KHDRBS2: variants seen among roughly 807,000 people sequenced by gnomAD.
KHDRBS2 encodes KH domain-containing, RNA-binding, signal transduction-associated protein 2.
Under a neutral mutation model 44.3 loss-of-function variants are expected in KHDRBS2, and 26 were observed. The ratio of observed to expected loss-of-function variants is 0.59; its 90% CI spans 0.43 to 0.81. The LOEUF (loss-of-function observed/expected upper bound fraction) is 0.81. KHDRBS2 is among the 40% of genes least tolerant of loss of function. KHDRBS2 has a pLI of 0.00. For synonymous variants in KHDRBS2, 194 were observed against 151.1 expected, an observed-to-expected ratio of 1.28 and a Z score of -2.08; for missense variants, 476 against 433.1, an observed-to-expected ratio of 1.10 and a Z score of -0.88.
At chr6:61,588,966 C>A in the KHDRBS2 span, among the ~76,000 whole-genome samples, 1 of 152,032 alleles carries the variant, frequency 6.6e-6, no homozygotes, top group East Asian at 1.9e-4. Context: ...AATGTAGGAA[C>A]AGAAAACCAA....
Position 61,780,234 on chromosome 6 carries a change from C to T in KHDRBS2, c.811-47470G>A, listed in dbSNP as rs552116143. On this transcript the variant is annotated intron_variant, in intron 6 of 8. Coordinates refer to ENST00000281156, the MANE Select transcript of KHDRBS2 (RefSeq NM_152688.4). ...ACTTGTTGAAGGCCGGATGCGGTGG[C>T]TCATGCCTGTAATCCCAGCACTTTG... Among the ~76,000 whole-genome samples, 325 of 152,292 alleles carry T rather than the reference C, an allele frequency of 2.1e-3. 3 individuals carry two copies. The highest frequency in any genetic ancestry group is 7.5e-3 in the African/African-American group (313 of 41,564).
At chr6:62,164,647 T>C (rs1470305671) in intron 2 of KHDRBS2, among the ~76,000 whole-genome samples, 1 of 151,932 alleles carries the variant, frequency 6.6e-6, no homozygotes. Context: ...ATTTGTTTCA[T>C]GTAACAATAT....
At chr6:62,124,395 T>A (rs1808451309) in intron 2 of KHDRBS2, among the ~76,000 whole-genome samples, 1 of 152,148 alleles carries the variant, frequency 6.6e-6, no homozygotes, top group South Asian at 2.1e-4. Context: ...TCTGGAGAGC[T>A]CCCATCAACA....
chr6:62,228,932 T>C (rs779894991), intron 1 of KHDRBS2, among the ~76,000 whole-genome samples: 14 of 152,158 alleles, frequency 9.2e-5, no homozygotes, highest in Non-Finnish European at 1.9e-4. Flanking sequence ...AGTAGGAACA[T>C]TCCTGTATAG....
the KHDRBS2 span, among the ~76,000 whole-genome samples, chr6:61,579,222 G>C: frequency 1.3e-5 from 2 of 152,244 alleles, no homozygotes; most frequent in East Asian, 3.9e-4. Context: ...TCTGCTCACA[G>C]AACTCTGACC....
intron 6 of KHDRBS2, among the ~76,000 whole-genome samples, chr6:61,857,590 T>TAAAAATTAA (rs4038087): frequency 6.6e-6 from 1 of 151,168 alleles, no homozygotes; most frequent in South Asian, 2.1e-4. Context: ...ACTTCATATT[T>TAAAAATTAA]ATTTTTCATA....
At chr6:61,755,072 T>C (rs2127570247) in intron 6 of KHDRBS2, among the ~76,000 whole-genome samples, 1 of 152,296 alleles carries the variant, frequency 6.6e-6, no homozygotes, top group Admixed American at 6.5e-5. Context: ...TTGCAAAGGT[T>C]ACTTTCAGGC....
intron 6 of KHDRBS2, among the ~76,000 whole-genome samples, chr6:61,743,771 T>TCCCCCCCCCCC (rs528609380): frequency 8.0e-6 from 1 of 125,068 alleles, no homozygotes; most frequent in Non-Finnish European, 1.7e-5. Flanking sequence ...CTTAATGCTA[T>TCCCCCCCCCCC]CCCCCCCCTC....
chr6:62,101,174 G>A (rs1406895029), intron 2 of KHDRBS2, among the ~76,000 whole-genome samples: 4 of 152,080 alleles, frequency 2.6e-5, no homozygotes, highest in African/African-American at 9.7e-5. Flanking sequence ...ATCTAGGCTT[G>A]CACAATCAAA....
chr6:61,548,876 C>T, the KHDRBS2 span, among the ~76,000 whole-genome samples: 1 of 152,064 alleles, frequency 6.6e-6, no homozygotes, highest in Non-Finnish European at 1.5e-5. Flanking sequence ...CACTACCACT[C>T]AGGAGAGTAG....
At chr6:62,263,342 C>T (rs1047643923) in intron 1 of KHDRBS2, among the ~76,000 whole-genome samples, 5 of 151,588 alleles carry the variant, frequency 3.3e-5, no homozygotes, top group Admixed American at 3.3e-4. Flanking sequence ...TGGGATCTAG[C>T]AGCTACTGTA....
intron 4 of KHDRBS2, among the ~76,000 whole-genome samples, chr6:61,944,281 G>A (rs570478826): frequency 6.6e-6 from 1 of 152,180 alleles, no homozygotes; most frequent in South Asian, 2.1e-4. Context: ...TGAACAGACG[G>A]ATAAAGAAAA....
intron 4 of KHDRBS2, among the ~76,000 whole-genome samples, chr6:61,954,584 T>G (rs111209841): frequency 3.0e-4 from 31 of 103,430 alleles, no homozygotes; most frequent in African/African-American, 1.2e-3. Context: ...GTAGACATAT[T>G]TATGTATATA....
chr6:61,882,382 G>T (rs1458207801), intron 6 of KHDRBS2, among the ~76,000 whole-genome samples: 1 of 151,928 alleles, frequency 6.6e-6, no homozygotes, highest in Non-Finnish European at 1.5e-5. Context: ...GAATGAATGT[G>T]AATATGTGAA....
chr6:62,169,263 G>A (rs1379532241), intron 2 of KHDRBS2, among the ~76,000 whole-genome samples: 1 of 149,340 alleles, frequency 6.7e-6, no homozygotes, highest in Non-Finnish European at 1.5e-5. Flanking sequence ...CTTTTTAACT[G>A]CTCCTTGCAA....
the KHDRBS2 span, among the ~76,000 whole-genome samples, chr6:61,558,368 C>T: frequency 6.6e-6 from 1 of 151,868 alleles, no homozygotes; most frequent in Non-Finnish European, 1.5e-5. Flanking sequence ...TTGATACCAG[C>T]CTGAGCAACA....
intron 7 of KHDRBS2, among the ~76,000 whole-genome samples, chr6:61,709,234 G>A (rs1458138413): frequency 6.6e-6 from 1 of 151,606 alleles, no homozygotes; most frequent in Admixed American, 6.6e-5. Context: ...TCTGAAACAT[G>A]AAATAACCAT....
At chr6:61,887,349 T>C (rs1224786822) in intron 6 of KHDRBS2, among the ~76,000 whole-genome samples, 1 of 152,194 alleles carries the variant, frequency 6.6e-6, no homozygotes, top group Non-Finnish European at 1.5e-5. Context: ...GGAGTTTTTG[T>C]TGAAATATTA....
At chr6:61,854,407 T>A (rs1350482973) in intron 6 of KHDRBS2, among the ~76,000 whole-genome samples, 1 of 152,252 alleles carries the variant, frequency 6.6e-6, no homozygotes, top group South Asian at 2.1e-4. Context: ...CAGCTTAAAA[T>A]TGCATGTAGA....
Sources: allele counts gnomAD v4.1 joint callset (sites outside exome capture counted in the v4.1 genomes callset), GRCh38; gene constraint gnomAD v4.1.1; transcripts MANE v1.5; gene names NCBI Gene and HGNC (gene_info 2026-07-23, HGNC 2026-07-21).